Variants in RBM26 observed in about 807,000 individuals in gnomAD.
The protein encoded by RBM26 is RNA binding motif protein 26.
RBM26 carries 30 observed loss-of-function variants against 123.6 expected under a neutral mutation model. That is an observed-to-expected ratio of 0.24 (90% CI 0.18 to 0.33). The LOEUF is 0.33. RBM26 is among the 10% of genes least tolerant of loss of function. The pLI, the probability that RBM26 is intolerant of heterozygous loss-of-function variation, is 1.00. For synonymous variants in RBM26, 400 were observed against 404.4 expected (o/e 0.99, Z 0.13); for missense variants, 947 against 1,203.6 (o/e 0.79, Z 3.15).
chr13:79,383,432 T>C (rs1197126432), intron 1 of RBM26, among the ~76,000 whole-genome samples: 1 of 152,194 alleles, frequency 6.6e-6, no homozygotes, highest in Non-Finnish European at 1.5e-5. Flanking sequence ...AGAGAGAGAA[T>C]ATACATACAA....
At chr13:79,327,245 G>A (rs762236618) in intron 20 of RBM26, among the ~76,000 whole-genome samples, 2 of 149,912 alleles carry the variant, frequency 1.3e-5, no homozygotes, top group African/African-American at 2.5e-5. Flanking sequence ...GCAGTGAGCT[G>A]TGATCAGACC....
intron 9 of RBM26, among the ~76,000 whole-genome samples, chr13:79,364,681 A>C (rs894587491): frequency 1.3e-5 from 2 of 151,836 alleles, no homozygotes; most frequent in Non-Finnish European, 2.9e-5. Context: ...CTAGTGTAGC[A>C]CTCTAGATGT....
intron 1 of RBM26, among the ~76,000 whole-genome samples, chr13:79,383,943 A>G (rs1170722826): frequency 6.6e-6 from 1 of 152,190 alleles, no homozygotes; most frequent in Non-Finnish European, 1.5e-5. Flanking sequence ...GCTATCCGGA[A>G]AAGAAAAAAT....
At chr13:79,364,570 C>T (rs760304613) in intron 9 of RBM26, among the ~76,000 whole-genome samples, 6 of 152,110 alleles carry the variant, frequency 3.9e-5, no homozygotes, top group Non-Finnish European at 8.8e-5. Flanking sequence ...TCTGACAATC[C>T]TTCATTTCCC....
At chr13:79,331,980 G>A (rs1752649) in intron 20 of RBM26, among the ~76,000 whole-genome samples, 76,777 of 151,936 alleles carry the variant, frequency 0.51, 19,788 homozygotes, top group Middle Eastern at 0.6. Flanking sequence ...TTATACTGAT[G>A]GTCTTTAAAA....
chr13:79,368,633 G>C, intron 6 of RBM26, 97 bp downstream of exon 6: 1 of 1,190,764 alleles, frequency 8.4e-7, no homozygotes, highest in Admixed American at 2.3e-5. Flanking sequence ...CCACTTTTCA[G>C]AGGTAAGTCT....
At chr13:79,359,382 C>T (rs140336192) in intron 10 of RBM26, among the ~76,000 whole-genome samples, 193 bp downstream of exon 10, 1 of 152,272 alleles carries the variant, frequency 6.6e-6, no homozygotes, top group East Asian at 1.9e-4. Context: ...ACTACCACAC[C>T]ATTTCTGTAA....
chr13:79,356,088 C>A (rs542957290), intron 11 of RBM26, among the ~76,000 whole-genome samples: 35 of 152,276 alleles, frequency 2.3e-4, no homozygotes, highest in African/African-American at 8.4e-4. Flanking sequence ...CTGGGCCAGG[C>A]ATGGTGGCTC....
chr13:79,395,745 TAAACAAAC>T (rs534794345), intron 1 of RBM26, among the ~76,000 whole-genome samples: 168 of 151,928 alleles, frequency 1.1e-3, no homozygotes, highest in African/African-American at 4.0e-3. Context: ...GCACTGTTTC[TAAACAAAC>T]AAACAAACAA....
chr13:79,380,978 A>C (rs1181375520), intron 1 of RBM26, among the ~76,000 whole-genome samples: 2 of 152,158 alleles, frequency 1.3e-5, no homozygotes, highest in African/African-American at 4.8e-5. Flanking sequence ...ATAATTGTTT[A>C]TAACTAAGCT....
At chr13:79,359,456 T>C (rs928541003) in intron 10 of RBM26, 119 bp downstream of exon 10, 10 of 508,668 alleles carry the variant, frequency 2.0e-5, no homozygotes, top group African/African-American at 4.1e-5. Context: ...CACTTGGGGA[T>C]TGCTTACAGA....
At chr13:79,313,855 G>A (rs2066971202) in exon 5 of RBM26, 1 of 137,998 alleles carries the variant, frequency 7.2e-6, no homozygotes, top group African/African-American at 2.7e-5. Context: ...AAAGTTTGCA[G>A]AATGTTAAGC....
chr13:79,328,883 C>A (rs903491833), intron 20 of RBM26, among the ~76,000 whole-genome samples: 2 of 151,362 alleles, frequency 1.3e-5, no homozygotes, highest in Non-Finnish European at 2.9e-5. Context: ...GAAGATAAAA[C>A]TGATACCCCA....
intron 1 of RBM26, among the ~76,000 whole-genome samples, chr13:79,381,838 A>C (rs775496373): frequency 6.6e-6 from 1 of 151,746 alleles, no homozygotes; most frequent in Non-Finnish European, 1.5e-5. Context: ...ATATACTACC[A>C]TATACAGTTC....
chr13:79,364,642 C>A (rs1472148563), intron 9 of RBM26, among the ~76,000 whole-genome samples: 2 of 152,096 alleles, frequency 1.3e-5, no homozygotes, highest in Non-Finnish European at 2.9e-5. Flanking sequence ...CTTTCTCCCT[C>A]TGAATCTTAT....
In RBM26 at chr13:79,386,084, T is replaced by C. The variant is rs569943582; in HGVS notation, c.72-7177A>G. On this transcript the variant is annotated intron_variant, in intron 1 of 21. Coordinates refer to ENST00000438737, the MANE Select transcript of RBM26 (RefSeq NM_001366735.2). ...TAGCCTCACCTGAAATTAAATACCA[T>C]ATTTTTAAAATTAAAAAAAAAAACA... is the stretch of plus-strand genomic sequence containing the variant. Among the ~76,000 whole-genome samples the C allele has an allele frequency of 2.0e-4, 29 of 142,084 alleles. No individual in the cohort carries two copies. The South Asian group carries it at 5.5e-3, about 27-fold the overall frequency. 93.2% of individuals were successfully genotyped at this position (142,084 alleles called of 152,430 possible).
chr13:79,381,601 A>C (rs1282633376), intron 1 of RBM26, among the ~76,000 whole-genome samples: 2 of 152,072 alleles, frequency 1.3e-5, no homozygotes, highest in African/African-American at 4.8e-5. Flanking sequence ...ACGAAATACC[A>C]AATCTATTTC....
At position 79,319,823 on chromosome 13, in the gene RBM26, G is replaced by C. The variant is rs1406567063; in HGVS notation, c.*798C>G. 2.0e-6 allele frequency: 2 copies of C among 979,680 alleles called. No homozygotes were observed. Among genetic ancestry groups the C allele is most frequent in the Non-Finnish European group, 2.4e-6 (2 of 825,410 alleles). 60.7% of individuals were successfully genotyped at this position (979,680 alleles called of 1,614,324 possible). On this transcript the variant is annotated 3_prime_UTR_variant, in exon 22 of 22. Transcript: ENST00000438737. ...AACCATTATTATTAAGAATAAGTTA[G>C]TGATTATAGCTCCTTTTGTGATAAT... is the stretch of plus-strand genomic sequence containing the variant.
Position 79,347,163 on chromosome 13 carries a change from T to C in RBM26, c.2059-2369A>G, listed in dbSNP as rs568268688. ...ATCTGACAATGATAAGACTCCTTTA[T>C]TCCTAGAAGTATTCCCATTTCCTTT... On this transcript the variant is annotated intron_variant, in intron 14 of 21. Coordinates refer to ENST00000438737, the MANE Select transcript of RBM26 (RefSeq NM_001366735.2). 3.5e-4 allele frequency among the ~76,000 whole-genome samples: 54 copies of C among 152,338 alleles called. 4 individuals are homozygous for C. The South Asian group carries it at 0.011, about 30-fold the overall frequency.
Sources: gnomAD v4.1 joint callset for allele counts (sites outside exome capture counted in the v4.1 genomes callset) on GRCh38, gnomAD v4.1.1 for gene constraint, MANE v1.5 for transcripts, NCBI Gene and HGNC (gene_info 2026-07-23, HGNC 2026-07-21) for gene names.